IRGM: variants seen among roughly 807,000 people sequenced by gnomAD.
The protein encoded by IRGM is immunity related GTPase M.
For missense variants in IRGM, 288 were observed against 219.9 expected (o/e 1.31, Z -1.96); for synonymous variants, 98 against 80.6 (o/e 1.22, Z -1.16).
chr5:150,847,480 C>G (rs1753886025), intron 1 of IRGM: 1 of 152,508 alleles, frequency 6.6e-6, no homozygotes, highest in South Asian at 2.1e-4. Context: ...TGGCCACATG[C>G]CTGCTTTGGA....
At chr5:150,886,927 A>G (rs965907333) in intron 3 of IRGM, among the ~76,000 whole-genome samples, 3 of 151,360 alleles carry the variant, frequency 2.0e-5, no homozygotes, top group South Asian at 2.1e-4. Context: ...GATTTTGGTT[A>G]TTTCTTGTCT....
At chr5:150,875,992 C>T (rs899640318) in intron 1 of IRGM, among the ~76,000 whole-genome samples, 3 of 152,192 alleles carry the variant, frequency 2.0e-5, no homozygotes, top group Admixed American at 6.5e-5. Flanking sequence ...GCCTTATCCA[C>T]CATCCACCAT....
chr5:150,859,842 C>A (rs4410633), intron 1 of IRGM, among the ~76,000 whole-genome samples: 2 of 152,034 alleles, frequency 1.3e-5, no homozygotes, highest in East Asian at 1.9e-4. Context: ...GTCTTGCTAG[C>A]GGTCTATCAA....
At chr5:150,885,415 T>C (rs1423962502) in intron 3 of IRGM, among the ~76,000 whole-genome samples, 2 of 152,116 alleles carry the variant, frequency 1.3e-5, no homozygotes, top group Non-Finnish European at 2.9e-5. Flanking sequence ...TTGTCTTCCA[T>C]ATGAATTTTA....
At chr5:150,852,942 A>G (rs1369160359), downstream of IRGM, among the ~76,000 whole-genome samples, 1 of 152,140 alleles carries the variant, frequency 6.6e-6, no homozygotes, top group Non-Finnish European at 1.5e-5. Context: ...CAAATGAATT[A>G]TGGTAATCTT....
chr5:150,895,434 A>G, intron 3 of IRGM: 3 of 1,599,620 alleles, frequency 1.9e-6, no homozygotes, highest in Non-Finnish European at 2.6e-6. Context: ...TTATGATTTT[A>G]CCACTGTGTG....
At chr5:150,850,631 A>G (rs930092350), downstream of IRGM, among the ~76,000 whole-genome samples, 1 of 152,082 alleles carries the variant, frequency 6.6e-6, no homozygotes, top group Non-Finnish European at 1.5e-5. Flanking sequence ...TGCCATTATT[A>G]GCTTACTTGA....
chr5:150,861,693 A>G (rs1356732983), intron 1 of IRGM, among the ~76,000 whole-genome samples: 1 of 152,292 alleles, frequency 6.6e-6, no homozygotes. Flanking sequence ...ATGTACAAAT[A>G]ATGATGACAT....
chr5:150,898,230 GAA>G (rs772839702), intron 3 of IRGM: 2 of 1,606,506 alleles, frequency 1.2e-6, no homozygotes, highest in Non-Finnish European at 1.7e-6. Context: ...TGCACTGAAG[GAA>G]AAAGAGAAGG....
chr5:150,850,452 A>T (rs1158481619), downstream of IRGM, among the ~76,000 whole-genome samples: 1 of 152,232 alleles, frequency 6.6e-6, no homozygotes, highest in African/African-American at 2.4e-5. Context: ...ACATAGAGAA[A>T]TAGCTTGTGC....
At chr5:150,901,609 C>T (rs1357672464), downstream of IRGM, among the ~76,000 whole-genome samples, 2 of 152,034 alleles carry the variant, frequency 1.3e-5, no homozygotes, top group African/African-American at 2.4e-5. Context: ...AATGTAAAAG[C>T]TGATTTCAAG....
At chr5:150,865,761 T>C (rs1754199158) in intron 1 of IRGM, among the ~76,000 whole-genome samples, 1 of 152,102 alleles carries the variant, frequency 6.6e-6, no homozygotes. Flanking sequence ...TCAGAAAAGA[T>C]GACTTTTTTT....
At chr5:150,875,726 G>A (rs1303653669) in intron 1 of IRGM, among the ~76,000 whole-genome samples, 2 of 152,162 alleles carry the variant, frequency 1.3e-5, no homozygotes, top group Non-Finnish European at 2.9e-5. Context: ...TCCACTCACC[G>A]AGGCTGACCT....
intron 1 of IRGM, among the ~76,000 whole-genome samples, chr5:150,856,359 A>T (rs1581640944): frequency 6.6e-6 from 1 of 152,156 alleles, no homozygotes; most frequent in East Asian, 1.9e-4. Context: ...TGAACCTGGG[A>T]GGCAGAGGCT....
intron 1 of IRGM, among the ~76,000 whole-genome samples, chr5:150,858,371 C>A (rs1014576487): frequency 2.0e-5 from 3 of 152,154 alleles, no homozygotes; most frequent in African/African-American, 7.2e-5. Context: ...ATGCCTCCAG[C>A]TTTGTTCTTT....
downstream of IRGM, among the ~76,000 whole-genome samples, chr5:150,852,887 G>A (rs1479075355): frequency 1.3e-5 from 2 of 152,148 alleles, no homozygotes; most frequent in East Asian, 3.9e-4. Context: ...TAATAGAAGA[G>A]AAAATAATAT....
chr5:150,870,354 G>C (rs1266902294), intron 1 of IRGM, among the ~76,000 whole-genome samples: 2 of 151,962 alleles, frequency 1.3e-5, no homozygotes, highest in Non-Finnish European at 2.9e-5. Context: ...CTTGATTTTT[G>C]ACAAAGCTCA....
rs1159661553 is a variant in IRGM, at chr5:150,848,182, C to G, written c.59C>G (p.Ser20Cys). The G allele has an allele frequency of 1.3e-6, 2 of 1,551,692 alleles. No individual in the cohort carries two copies. The highest frequency in any genetic ancestry group is 8.7e-7 in the Non-Finnish European group (1 of 1,146,902). ...SADGNLPEVI[S>C]NIKETLKIVS... ...GATGGGAACTTGCCAGAGGTGATCT[C>G]TAACATCAAGGAGACTCTGAAGATA... Residue 20 changes from serine to cysteine, a missense_variant, in exon 2 of 2, where the codon TCT (serine) becomes TGT (cysteine). Ser to Cys is a moderately radical substitution (Grantham distance 112). Coordinates refer to ENST00000522154, the MANE Select transcript of IRGM (RefSeq NM_001145805.2).
intron 1 of IRGM, among the ~76,000 whole-genome samples, chr5:150,859,585 A>C (rs936882760): frequency 1.3e-5 from 2 of 152,118 alleles, no homozygotes; most frequent in African/African-American, 4.8e-5. Context: ...TAAGCTATTG[A>C]TTATTGCCTC....
Sources: allele counts gnomAD v4.1 joint callset (sites outside exome capture counted in the v4.1 genomes callset), GRCh38; gene constraint gnomAD v4.1.1; transcripts MANE v1.5; gene names NCBI Gene and HGNC (gene_info 2026-07-23, HGNC 2026-07-21).